Variants in SRP68 observed in about 807,000 individuals in gnomAD.
SRP68 encodes signal recognition particle subunit SRP68.
In SRP68, 15 loss-of-function variants were observed where a neutral mutation model predicts 82.2. The ratio of observed to expected loss-of-function variants is 0.18; its 90% CI spans 0.12 to 0.28. The LOEUF (loss-of-function observed/expected upper bound fraction) is 0.28. Among genes scored for constraint, SRP68 ranks in the 10% least tolerant of loss-of-function variants. SRP68 has a pLI of 1.00. For synonymous variants in SRP68, 261 were observed against 292.6 expected (o/e 0.89, Z 1.10); for missense variants, 595 against 780.5 (o/e 0.76, Z 2.83).
At chr17:76,059,789 C>CAA (rs35942880) in intron 7 of SRP68, among the ~76,000 whole-genome samples, 1,636 of 87,750 alleles carry the variant, frequency 0.019, 71 homozygotes, top group African/African-American at 0.053. Context: ...AAGACTGTCT[C>CAA]AAAAAAAAAA....
At chr17:76,053,079 T>A (rs1309184630) in intron 8 of SRP68, among the ~76,000 whole-genome samples, 2 of 151,542 alleles carry the variant, frequency 1.3e-5, no homozygotes, top group Non-Finnish European at 2.9e-5. Flanking sequence ...CTGGGCAACA[T>A]GACAAAACCC....
intron 10 of SRP68, among the ~76,000 whole-genome samples, chr17:76,047,123 TG>T (rs1420012874): frequency 6.6e-6 from 1 of 152,180 alleles, no homozygotes; most frequent in Non-Finnish European, 1.5e-5. Context: ...TTCTCGTTTT[TG>T]TTTTGAGAAT....
intron 8 of SRP68, among the ~76,000 whole-genome samples, chr17:76,051,343 G>A (rs2066670972): frequency 6.6e-6 from 1 of 152,204 alleles, no homozygotes; most frequent in African/African-American, 2.4e-5. Flanking sequence ...TGGACAAAAG[G>A]CAGAAAGGGG....
chr17:76,065,437 C>CA (rs11338515), intron 3 of SRP68, among the ~76,000 whole-genome samples: 1,191 of 78,582 alleles, frequency 0.015, 9 homozygotes, highest in Non-Finnish European at 0.017. Flanking sequence ...GACCCTGTCT[C>CA]AAAAAAAAAA....
At chr17:76,063,645 G>A (rs1433246223) in intron 4 of SRP68, among the ~76,000 whole-genome samples, 2 of 147,856 alleles carry the variant, frequency 1.4e-5, no homozygotes, top group Non-Finnish European at 3.0e-5. Context: ...CTGAGAACGC[G>A]CCACTGCACT....
chr17:76,050,574 T>C (rs756985580), intron 8 of SRP68, 48 bp from the exon 9 acceptor site: 2 of 1,481,048 alleles, frequency 1.4e-6, no homozygotes, highest in Non-Finnish European at 1.9e-6. Context: ...GAGCAAACCA[T>C]AGTCACCTAA....
Position 76,062,704 on chromosome 17 carries a change from T to TA in SRP68, c.562-1131dup, listed in dbSNP as rs1358972998. Among the ~76,000 whole-genome samples, 100 of 78,342 alleles carry TA rather than the reference T, an allele frequency of 1.3e-3. 23 individuals are homozygous for TA. Among genetic ancestry groups the TA allele is most frequent in the African/African-American group, 1.6e-3 (25 of 15,244 alleles). 51.4% of individuals were successfully genotyped at this position (78,342 alleles called of 152,430 possible). Reference sequence around the variant, plus strand: ...TATATAATATACATTATATATTGTATATTATACAATATATTATATTTATTT... The same window carrying TA: ...TATATAATATACATTATATATTGTATAATTATACAATATATTATATTTATTT... On this transcript the variant is annotated intron_variant, in intron 4 of 15. Coordinates refer to ENST00000307877, the MANE Select transcript of SRP68 (RefSeq NM_014230.4).
intron 11 of SRP68, among the ~76,000 whole-genome samples, chr17:76,045,645 T>A (rs1256381584): frequency 6.6e-6 from 1 of 152,186 alleles, no homozygotes; most frequent in Non-Finnish European, 1.5e-5. Flanking sequence ...CCATCTTAGC[T>A]GGAAGGGATC....
At position 76,070,442 on chromosome 17, in the gene SRP68, G is replaced by A; in HGVS notation, c.187C>T (p.Leu63Phe). The A allele has an allele frequency of 1.2e-6, 2 of 1,613,776 alleles. No homozygotes were observed. Among genetic ancestry groups the A allele is most frequent in the Non-Finnish European group, 1.7e-6 (2 of 1,179,794 alleles). ...EFGDSLSLEI[L>F]QIIKESQQQH... ...TGCTGGGATTCCTTAATAATCTGAA[G>A]AACTAGAGTCGAGATTAAGGAAAAT... Residue 63 changes from leucine (L) to phenylalanine (F), a missense_variant and splice_region_variant, in exon 2 of 16, where the codon CTT becomes TTT. Leu to Phe is a conservative substitution (Grantham distance 22). Transcript: ENST00000307877.
intron 14 of SRP68, 85 bp downstream of exon 14, chr17:76,040,818 T>G: frequency 7.6e-7 from 1 of 1,313,374 alleles, no homozygotes; most frequent in South Asian, 1.2e-5. Context: ...CCTTTCAACC[T>G]TAAAACAGTA....
rs550188372 is a variant in SRP68, at chr17:76,051,834, C to T, written c.979-1308G>A. On this transcript the variant is annotated intron_variant, in intron 8 of 15. Coordinates refer to ENST00000307877, the MANE Select transcript of SRP68 (RefSeq NM_014230.4). ...CACCATCCAATAGAACTCTCTGCCA[C>T]GGGCAATGTCCTCTACGTGCACCGT... Among the ~76,000 whole-genome samples the T allele has an allele frequency of 2.7e-4, 41 of 152,328 alleles. 1 individual carries two copies. The highest frequency in any genetic ancestry group is 9.1e-4 in the African/African-American group (38 of 41,582).
chr17:76,066,696 G>C (rs1366275293), intron 3 of SRP68, among the ~76,000 whole-genome samples: 4 of 150,846 alleles, frequency 2.7e-5, no homozygotes, highest in Non-Finnish European at 5.9e-5. Context: ...GAGGAAGGGG[G>C]GCTCCAAAGC....
chr17:76,045,841 C>T (rs1159582708), intron 11 of SRP68, among the ~76,000 whole-genome samples, 197 bp downstream of exon 11: 3 of 152,162 alleles, frequency 2.0e-5, no homozygotes, highest in Non-Finnish European at 4.4e-5. Context: ...TCTGGGGTCA[C>T]TATTCTCTGC....
chr17:76,054,385 C>A (rs2066697413), intron 8 of SRP68, among the ~76,000 whole-genome samples: 1 of 152,140 alleles, frequency 6.6e-6, no homozygotes, highest in Non-Finnish European at 1.5e-5. Context: ...AAACCTTACC[C>A]AGCCCAGTGA....
intron 10 of SRP68, among the ~76,000 whole-genome samples, chr17:76,046,912 G>T (rs1365968896): frequency 6.6e-6 from 1 of 152,174 alleles, no homozygotes; most frequent in African/African-American, 2.4e-5. Flanking sequence ...CTGCACTCCA[G>T]CCTGGGCGAC....
intron 4 of SRP68, among the ~76,000 whole-genome samples, chr17:76,063,117 C>T (rs541336457): frequency 3.3e-4 from 50 of 151,922 alleles, no homozygotes; most frequent in African/African-American, 8.2e-4. Flanking sequence ...AAGAGAAATA[C>T]GTATTTAACC....
intron 7 of SRP68, among the ~76,000 whole-genome samples, chr17:76,059,457 G>A (rs907393642): frequency 2.6e-5 from 4 of 151,852 alleles, no homozygotes; most frequent in Admixed American, 6.6e-5. Context: ...CAGGGGAATC[G>A]CTTGAACCTG....
chr17:76,072,496 C>G lies in SRP68; in HGVS notation c.-5G>C. On this transcript the variant is annotated 5_prime_UTR_variant, in exon 1 of 16. Coordinates refer to ENST00000307877, the MANE Select transcript of SRP68 (RefSeq NM_014230.4). The surrounding 1 kb of genome is among the most constrained non-coding windows in gnomAD (Gnocchi z 4.5). The stretch of plus-strand genomic sequence containing the variant: ...GACCTGCTTCTCAGCAGCCATCTTG[C>G]CCCTGCGCCGCAGAGCAAGACGGGA... 2 of 1,582,294 alleles carry G rather than the reference C, an allele frequency of 1.3e-6. No homozygotes were observed. Among genetic ancestry groups the G allele is most frequent in the Non-Finnish European group, 8.5e-7 (1 of 1,172,812 alleles).
rs1425403771 is a variant in SRP68 at position 76,071,385 on chromosome 17, T to C, written c.184+923A>G. Among the ~76,000 whole-genome samples the C allele has an allele frequency of 6.6e-6, 1 of 152,212 alleles. No homozygotes were observed. The highest frequency in any genetic ancestry group is 1.5e-5 in the Non-Finnish European group (1 of 68,042). On this transcript the variant is annotated intron_variant, in intron 1 of 15. Transcript: ENST00000307877. The surrounding 1 kb of genome is among the most constrained non-coding windows in gnomAD (Gnocchi z 4.7). ...TAATCTTTAGAAAGTCCAATGACCT[T>C]CATCTATATAGGTATAGTTTTAATG...
Sources: gnomAD v4.1 joint callset for allele counts (sites outside exome capture counted in the v4.1 genomes callset) on GRCh38, gnomAD v4.1.1 for gene constraint, Gnocchi (gnomAD v3.1) non-coding constraint, MANE v1.5 for transcripts, NCBI Gene and HGNC (gene_info 2026-07-23, HGNC 2026-07-21) for gene names.